The following HSP90B1 variants were observed in gnomAD, a reference collection of about 807,000 sequenced individuals.
HSP90B1 encodes the protein endoplasmin.
In HSP90B1, 27 loss-of-function variants were observed where a neutral mutation model predicts 100.4. The ratio of observed to expected loss-of-function variants is 0.27; its 90% confidence interval spans 0.20 to 0.37. The LOEUF (loss-of-function observed/expected upper bound fraction) is 0.37. HSP90B1 is among the 10% of genes least tolerant of loss of function. The probability of loss-of-function intolerance (pLI) is 1.00; values close to 1 mark genes in which losing one functional copy is unlikely to be tolerated. For synonymous variants in HSP90B1, 304 were observed against 330.8 expected (o/e 0.92, Z 0.88); for missense variants, 678 against 960.5 (o/e 0.71, Z 3.89).
intron 2 of HSP90B1, chr12:103,931,829 C>A: frequency 1.6e-6 from 1 of 610,028 alleles, no homozygotes; most frequent in Non-Finnish European, 3.1e-6. Context: ...AACTATATTG[C>A]AGAATACTAG....
rs539462408 is a variant in HSP90B1 at position 103,930,475 on chromosome 12, C to G, written c.-41C>G. 1.3e-6 allele frequency: 2 copies of G among 1,573,382 alleles called. No individual in the cohort carries two copies. The highest frequency in any genetic ancestry group is 1.7e-6 in the Non-Finnish European group (2 of 1,158,328). The stretch of plus-strand genomic sequence containing the variant: ...CCAGGGGTGGGGGGTGGAGGCGGCT[C>G]CTGCGATCGAAGGGGACTTGAGACT... On this transcript the variant is annotated 5_prime_UTR_variant, in exon 1 of 18. Coordinates refer to ENST00000299767, the MANE Select transcript of HSP90B1 (RefSeq NM_003299.3). The surrounding 1 kb of genome is among the most constrained non-coding windows in gnomAD (Gnocchi z 4.4).
intron 5 of HSP90B1, among the ~76,000 whole-genome samples, chr12:103,936,588 A>G (rs1210963360): frequency 6.8e-6 from 1 of 147,120 alleles, no homozygotes; most frequent in Non-Finnish European, 1.5e-5. Context: ...TCAAGGCTGC[A>G]GTGAGCCATC....
chr12:103,946,582 T>C (rs1321587522), intron 14 of HSP90B1, 36 bp from the exon 15 acceptor site: 1 of 1,443,378 alleles, frequency 6.9e-7, no homozygotes, highest in Non-Finnish European at 9.7e-7. Flanking sequence ...TAAAATTGGA[T>C]ATGTTTTGTT....
chr12:103,934,147 C>G lies in HSP90B1; in HGVS notation c.603C>G (p.Ser201=), dbSNP rs750601393. 6.2e-7 allele frequency: 1 copy of G among 1,614,178 alleles called. No homozygotes were observed. The highest frequency in any genetic ancestry group is 1.1e-5 in the South Asian group (1 of 91,078). ...GCCAGTTTGGTGTCGGTTTCTATTC[C>G]GCCTTCCTTGTAGCAGATAAGGTTA... ...LIGQFGVGFY[S]AFLVADKVIV... Residue 201 remains serine (S), a synonymous_variant, in exon 5 of 18, where the codon TCC becomes TCG. Coordinates refer to ENST00000299767, the MANE Select transcript of HSP90B1 (RefSeq NM_003299.3).
chr12:103,938,920 C>A (rs1869997535), intron 7 of HSP90B1: 1 of 152,076 alleles, frequency 6.6e-6, no homozygotes, highest in Non-Finnish European at 1.5e-5. Context: ...TTCCTTCTAA[C>A]CTCAAAACAA....
chr12:103,943,641 T>C lies in HSP90B1; in HGVS notation c.1891-97T>C. The C allele has an allele frequency of 1.6e-6, 2 of 1,227,928 alleles. No individual in the cohort carries two copies. Among genetic ancestry groups the C allele is most frequent in the East Asian group, 4.8e-5 (2 of 41,988 alleles). The allele number at this position is 1,227,928 out of a possible 1,614,324, so 76.1% of individuals were successfully genotyped here. ...TTTTTATGACCTGCTTCTGTGTTTA[T>C]GATCTTAAGTGATAAAGTCTTAGAC... On this transcript the variant is annotated intron_variant, in intron 13 of 17. Coordinates refer to ENST00000299767, the MANE Select transcript of HSP90B1 (RefSeq NM_003299.3). The surrounding 1 kb of genome is among the most constrained non-coding windows in gnomAD (Gnocchi z 5.3).
At chr12:103,944,867 T>C (rs1279433142) in intron 14 of HSP90B1, among the ~76,000 whole-genome samples, 1 of 152,268 alleles carries the variant, frequency 6.6e-6, no homozygotes, top group Admixed American at 6.5e-5. Flanking sequence ...ATTATTATTC[T>C]TAAAGCCTTT....
intron 12 of HSP90B1, 109 bp from the exon 13 acceptor site, chr12:103,942,965 T>C: frequency 6.8e-7 from 1 of 1,477,572 alleles, no homozygotes; most frequent in East Asian, 2.3e-5. Context: ...CTCTTAATTC[T>C]TCACCTGTAA....
intron 16 of HSP90B1, 148 bp downstream of exon 16, chr12:103,947,089 C>A: frequency 9.4e-7 from 1 of 1,063,976 alleles, no homozygotes; most frequent in Non-Finnish European, 1.4e-6. Flanking sequence ...TGTTTGAATC[C>A]CTGTAGTGTC....
Position 103,946,707 on chromosome 12 carries a change from A to C in HSP90B1, c.2106+11A>C. On this transcript the variant is annotated intron_variant, in intron 15 of 17. Transcript: ENST00000299767. ...CTTCGACGAATTAAGGTAGTATTAA[A>C]GCAGTCCTCTTGCTTGTCTTTTAAT... is the stretch of plus-strand genomic sequence containing the variant. 1 of 1,613,570 alleles carries C rather than the reference A, an allele frequency of 6.2e-7. No individual in the cohort carries two copies. Among genetic ancestry groups the C allele is most frequent in the South Asian group, 1.1e-5 (1 of 91,040 alleles).
intron 14 of HSP90B1, among the ~76,000 whole-genome samples, chr12:103,944,264 A>G (rs1000214071): frequency 6.6e-6 from 1 of 151,980 alleles, no homozygotes; most frequent in African/African-American, 2.4e-5. Context: ...CGTCCCCCAC[A>G]CCCCCAAGCA....
intron 2 of HSP90B1, chr12:103,931,866 G>T: frequency 1.9e-6 from 1 of 530,428 alleles, no homozygotes; most frequent in East Asian, 3.9e-5. Context: ...AGACTTTATA[G>T]AAGATACTTT....
At chr12:103,942,360 A>C (rs545390749) in intron 11 of HSP90B1, among the ~76,000 whole-genome samples, 167 bp from the exon 12 acceptor site, 1 of 152,356 alleles carries the variant, frequency 6.6e-6, no homozygotes, top group South Asian at 2.1e-4. Flanking sequence ...GGACAGCTGA[A>C]TTTCAGCCCA....
intron 11 of HSP90B1, 21 bp downstream of exon 11, chr12:103,941,918 ACT>A: frequency 6.3e-7 from 1 of 1,598,144 alleles, no homozygotes. Context: ...CTGGGAAGAA[ACT>A]CTCCACTTTG....
At chr12:103,937,979 C>CA (rs1869963782) in intron 6 of HSP90B1, among the ~76,000 whole-genome samples, 173 bp downstream of exon 6, 2 of 152,022 alleles carry the variant, frequency 1.3e-5, no homozygotes, top group African/African-American at 4.8e-5. Context: ...CCAGCCTGGC[C>CA]AACATGGCGA....
In HSP90B1 at chr12:103,938,351, TGAG is replaced by T. The variant is rs1200126154; in HGVS notation, c.871_873del (p.Glu291del). ...TCTTATTTCAACAGACTGAAACTGT[TGAG>T]GAGCCCATGGAGGAAGAAGAAGCAG... On this transcript the variant is annotated inframe_deletion, in exon 7 of 18. Transcript: ENST00000299767. 1 of 1,555,216 alleles carries T rather than the reference TGAG, an allele frequency of 6.4e-7. No individual in the cohort carries two copies.
At position 103,941,922 on chromosome 12, in the gene HSP90B1, T is replaced by G. The variant is rs749084970; in HGVS notation, c.1374+25T>G. ...GGTAAGTGTCTCTGGGAAGAAACTCTCCACTTTGCTGTTTGATTGGGGTTC... is the reference window on the plus strand; with the variant it reads ...GGTAAGTGTCTCTGGGAAGAAACTCGCCACTTTGCTGTTTGATTGGGGTTC... On this transcript the variant is annotated intron_variant, in intron 11 of 17. Transcript: ENST00000299767. The G allele has an allele frequency of 6.9e-6, 11 of 1,590,946 alleles. No homozygotes were observed. The East Asian group carries it at 2.5e-4, about 36-fold the overall frequency.
chr12:103,941,702 G>T lies in HSP90B1; in HGVS notation c.1304G>T (p.Gly435Val). The change falls in exon 10 of 18, where the codon GGT (glycine) becomes GTT (valine). Residue 435 changes from glycine (G) to valine (V), a missense_variant. This residue lies in a region of HSP90B1 where 44 missense variants were observed against 110.8 expected (regional missense o/e 0.40). Transcript: ENST00000299767. ...CCTAAATACCTCAATTTTGTCAAGG[G>T]TGTGGTAAGTATCTGAAGTTTGGGA... ...MMPKYLNFVK[G>V]VVDSDDLPLN... The T allele has an allele frequency of 6.2e-7, 1 of 1,613,862 alleles. No individual in the cohort carries two copies. Among genetic ancestry groups the T allele is most frequent in the Non-Finnish European group, 8.5e-7 (1 of 1,179,774 alleles).
chr12:103,937,956 C>A, intron 6 of HSP90B1, 150 bp downstream of exon 6: 1 of 534,396 alleles, frequency 1.9e-6, no homozygotes, highest in Non-Finnish European at 3.4e-6. Flanking sequence ...CACCTGAGGT[C>A]AGGAGTTCGA....
Sources: gnomAD v4.1 joint callset for allele counts (sites outside exome capture counted in the v4.1 genomes callset) on GRCh38, gnomAD v4.1.1 for gene constraint, gnomAD v4.1.1 regional missense constraint, Gnocchi (gnomAD v3.1) non-coding constraint, MANE v1.5 for transcripts, NCBI Gene and HGNC (gene_info 2026-07-23, HGNC 2026-07-21) for gene names.